JADE2: variants seen among roughly 807,000 people sequenced by gnomAD.
JADE2 encodes the protein jade family PHD finger 2.
A neutral mutation model predicts 85.7 loss-of-function variants in JADE2; 13 were observed. The observed-to-expected ratio is 0.15, with a 90% CI of 0.10 to 0.24. JADE2 has a LOEUF of 0.24. Ranked by LOEUF, JADE2 falls within the 10% of genes least tolerant of loss-of-function variation. The probability of loss-of-function intolerance (pLI) is 1.00; values close to 1 mark genes in which losing one functional copy is unlikely to be tolerated. For synonymous variants in JADE2, 440 were observed against 456.1 expected (o/e 0.96, Z 0.45); for missense variants, 846 against 1,115.9 (o/e 0.76, Z 3.45).
intron 9 of JADE2, among the ~76,000 whole-genome samples, chr5:134,571,004 T>A: frequency 6.6e-6 from 1 of 152,220 alleles, no homozygotes; most frequent in East Asian, 1.9e-4. Flanking sequence ...ATCCTCATGG[T>A]TTTGGAGGCT....
intron 1 of JADE2, 185 bp downstream of exon 1, chr5:134,526,196 G>A: frequency 2.0e-6 from 2 of 985,550 alleles, no homozygotes; most frequent in East Asian, 2.3e-4. Flanking sequence ...CAGCACAGGG[G>A]AGAGAGATTG....
intron 11 of JADE2, 60 bp downstream of exon 11, chr5:134,576,956 GCT>G (rs1764406980): frequency 1.3e-6 from 2 of 1,486,126 alleles, no homozygotes; most frequent in African/African-American, 1.4e-5. Flanking sequence ...CACGCTTGCA[GCT>G]CTGTCTGCCC....
chr5:134,561,568 G>C (rs1763326090), intron 6 of JADE2, among the ~76,000 whole-genome samples: 1 of 152,186 alleles, frequency 6.6e-6, no homozygotes, highest in Admixed American at 6.5e-5. Flanking sequence ...TCTGGGCCTT[G>C]ACTGCAGACC....
At chr5:134,549,723 C>T (rs1762497424) in intron 3 of JADE2, among the ~76,000 whole-genome samples, 1 of 152,174 alleles carries the variant, frequency 6.6e-6, no homozygotes, top group Non-Finnish European at 1.5e-5. Context: ...CCACCTATGC[C>T]TCTTTAGAGG....
At chr5:134,537,699 G>A (rs1368561282) in intron 2 of JADE2, among the ~76,000 whole-genome samples, 1 of 152,174 alleles carries the variant, frequency 6.6e-6, no homozygotes, top group African/African-American at 2.4e-5. Context: ...TTTGAGCAGA[G>A]TCCCACAGAG....
Position 134,532,073 on chromosome 5 carries a change from C to G in JADE2, c.1-3785C>G, listed in dbSNP as rs533932293. Among the ~76,000 whole-genome samples the G allele has an allele frequency of 2.6e-5, 4 of 151,638 alleles. No homozygotes were observed. In the South Asian group the frequency reaches 8.3e-4, roughly 32 times the overall value. Reference sequence around the variant, plus strand: ...CTAACTTTTGTATTTTTCATAGAGTCGGGGATTTGCCATGTTGCCCAGACT... The same window carrying G: ...CTAACTTTTGTATTTTTCATAGAGTGGGGGATTTGCCATGTTGCCCAGACT... On this transcript the variant is annotated intron_variant, in intron 1 of 11. Coordinates refer to ENST00000681547, the MANE Select transcript of JADE2 (RefSeq NM_001388185.1).
At chr5:134,567,829 C>T (rs1438127488) in intron 9 of JADE2, among the ~76,000 whole-genome samples, 1 of 152,186 alleles carries the variant, frequency 6.6e-6, no homozygotes, top group East Asian at 1.9e-4. Flanking sequence ...AGCTTGCCAC[C>T]AGGCCAGAAG....
rs1764694671 is a variant in JADE2, at chr5:134,581,181, G to C, written c.*1864G>C. On this transcript the variant is annotated 3_prime_UTR_variant, in exon 12 of 12. Transcript: ENST00000681547. The stretch of plus-strand genomic sequence containing the variant: ...CGGACAAATGTGTCTAGTCCGGGTG[G>C]ACTCGGAGGGAGTGGGGTGGGCTTC... 6.6e-6 allele frequency: 1 copy of C among 152,544 alleles called. No individual in the cohort carries two copies. The highest frequency in any genetic ancestry group is 1.5e-5 in the Non-Finnish European group (1 of 68,044). The allele number at this position is 152,544 out of a possible 1,614,324, so 9.4% of individuals were successfully genotyped here.
chr5:134,550,605 G>A (rs1054993896), intron 3 of JADE2, among the ~76,000 whole-genome samples: 12 of 152,152 alleles, frequency 7.9e-5, no homozygotes, highest in Non-Finnish European at 1.2e-4. Flanking sequence ...CTCAAATGAC[G>A]GTGATCACTG....
At chr5:134,545,552 CTCTT>C (rs1264851148) in intron 3 of JADE2, among the ~76,000 whole-genome samples, 2 of 152,062 alleles carry the variant, frequency 1.3e-5, no homozygotes, top group East Asian at 3.9e-4. Context: ...GGCTGGGAAA[CTCTT>C]TATCAGGTTC....
intron 3 of JADE2, among the ~76,000 whole-genome samples, chr5:134,541,370 C>T (rs543823301): frequency 3.3e-5 from 5 of 152,346 alleles, no homozygotes; most frequent in East Asian, 3.9e-4. Flanking sequence ...GAGATGAAAG[C>T]GAGGATTTGG....
At chr5:134,573,880 A>G in intron 10 of JADE2, 118 bp downstream of exon 10, 1 of 774,694 alleles carries the variant, frequency 1.3e-6, no homozygotes, top group Non-Finnish European at 2.4e-6. Flanking sequence ...GCCAAGGGCC[A>G]CTGGCCCCCA....
intron 10 of JADE2, chr5:134,574,127 G>T (rs565273140): frequency 5.8e-6 from 2 of 346,196 alleles, no homozygotes; most frequent in East Asian, 1.6e-4. Flanking sequence ...AGAAGCTGGT[G>T]AGCTTCCCTG....
chr5:134,543,890 G>A (rs1762132600), intron 3 of JADE2, among the ~76,000 whole-genome samples: 1 of 152,166 alleles, frequency 6.6e-6, no homozygotes, highest in Non-Finnish European at 1.5e-5. Flanking sequence ...AGGGAGTGTG[G>A]GTGGGGGCAG....
At chr5:134,526,858 G>T (rs1760862613) in intron 1 of JADE2, 1 of 749,820 alleles carries the variant, frequency 1.3e-6, no homozygotes, top group Non-Finnish European at 1.6e-6. Flanking sequence ...CTGGGGAGAG[G>T]CGCTGGGAGA....
rs1456374196 is a variant in JADE2 at position 134,578,285 on chromosome 5, C to T, written c.1682-209C>T. Among the ~76,000 whole-genome samples, 2 of 152,242 alleles carry T rather than the reference C, an allele frequency of 1.3e-5. No homozygotes were observed. Among genetic ancestry groups the T allele is most frequent in the South Asian group, 2.1e-4 (1 of 4,830 alleles). ...TATGAAGCCCATCTTGAGGGCAGCA[C>T]GTCCTTCTGGAGAGAAGCGTATAAG... On this transcript the variant is annotated intron_variant, in intron 11 of 11. Transcript: ENST00000681547. The surrounding 1 kb of genome is among the most constrained non-coding windows in gnomAD (Gnocchi z 4.4).
At position 134,562,451 on chromosome 5, in the gene JADE2, G is replaced by A; in HGVS notation, c.852+84G>A. ...ATGGGACTCAGGTAGCAGAGCACTG[G>A]GAAAAGAAGGTGATGGACTCGCACT... On this transcript the variant is annotated intron_variant, in intron 7 of 11. Transcript: ENST00000681547. This position sits in a 1 kb window ranked among gnomAD's most constrained non-coding sequence, Gnocchi z 4.6. The A allele has an allele frequency of 1.5e-6, 2 of 1,327,608 alleles. No individual in the cohort carries two copies. Among genetic ancestry groups the A allele is most frequent in the Non-Finnish European group, 2.1e-6 (2 of 960,922 alleles). The allele number at this position is 1,327,608 out of a possible 1,614,324, so 82.2% of individuals were successfully genotyped here. A position where few individuals can be genotyped will look rare whatever the true frequency, so the allele number is the denominator to read the frequency against.
rs200614486 is a variant in JADE2, at chr5:134,566,267, C to T, written c.1121C>T (p.Thr374Ile). 9.9e-6 allele frequency: 16 copies of T among 1,614,178 alleles called. No individual in the cohort carries two copies. In the Admixed American group the frequency reaches 1.7e-4, roughly 17 times the overall value. Residue 374 changes from threonine to isoleucine, a missense_variant, in exon 9 of 12, where the codon ACA becomes ATA. By Grantham distance (89) the Thr-to-Ile change is moderately conservative. Coordinates refer to ENST00000681547, the MANE Select transcript of JADE2 (RefSeq NM_001388185.1). This position sits in a 1 kb window ranked among gnomAD's most constrained non-coding sequence, Gnocchi z 6.7. ...GACGGGGGCCCACGTAATGAGCCCA[C>T]ATCTGAGCCCACGGAACCCAGCCAG... The part of the protein sequence containing the change: ...HSDGGPRNEP[T>I]SEPTEPSQAG...
intron 4 of JADE2, 85 bp from the exon 5 acceptor site, chr5:134,559,745 G>A: frequency 7.1e-7 from 1 of 1,399,958 alleles, no homozygotes; most frequent in Non-Finnish European, 9.6e-7. Flanking sequence ...ATCAGCTCCT[G>A]AGCTGGACTG....
Sources: gnomAD v4.1 joint callset for allele counts (sites outside exome capture counted in the v4.1 genomes callset) on GRCh38, gnomAD v4.1.1 for gene constraint, Gnocchi (gnomAD v3.1) non-coding constraint, MANE v1.5 for transcripts, NCBI Gene and HGNC (gene_info 2026-07-23, HGNC 2026-07-21) for gene names.